Variants in RNF111 observed in about 807,000 individuals in gnomAD.
RNF111 encodes the protein E3 ubiquitin-protein ligase Arkadia.
In RNF111, 17 loss-of-function variants were observed where a neutral mutation model predicts 95.1. The ratio of observed to expected loss-of-function variants is 0.18; its 90% CI spans 0.12 to 0.27. The LOEUF (loss-of-function observed/expected upper bound fraction) is 0.27, where lower values mean the gene tolerates loss of function less well. Among genes scored for constraint, RNF111 ranks in the 10% least tolerant of loss-of-function variants. The pLI is 1.00. For synonymous variants in RNF111, 440 were observed against 414.8 expected, an observed-to-expected ratio of 1.06 and a Z score of -0.74; for missense variants, 1,189 against 1,210.4, an observed-to-expected ratio of 0.98 and a Z score of 0.26.
intron 2 of RNF111, among the ~76,000 whole-genome samples, chr15:59,048,930 AAAAC>A (rs770907486): frequency 2.3e-4 from 35 of 152,032 alleles, no homozygotes; most frequent in Middle Eastern, 3.4e-3. Flanking sequence ...GTCTCTTTAA[AAAAC>A]AAACAAACAA....
chr15:59,019,628 T>C (rs1474339085), intron 1 of RNF111, among the ~76,000 whole-genome samples: 3 of 152,184 alleles, frequency 2.0e-5, no homozygotes, highest in African/African-American at 7.2e-5. Flanking sequence ...GTGATCTTTT[T>C]TCCATTGTAC....
chr15:59,032,520 G>A (rs1422973511), intron 2 of RNF111, among the ~76,000 whole-genome samples: 1 of 152,064 alleles, frequency 6.6e-6, no homozygotes, highest in Admixed American at 6.6e-5. Context: ...CTCCTGGGCT[G>A]AAGCCGTCCT....
chr15:59,014,758 CTTT>C (rs1235678150), intron 1 of RNF111, among the ~76,000 whole-genome samples: 11 of 140,526 alleles, frequency 7.8e-5, no homozygotes, highest in Admixed American at 1.4e-4. Flanking sequence ...GAATTGCAGA[CTTT>C]TTTTTTTTTT....
intron 6 of RNF111, among the ~76,000 whole-genome samples, chr15:59,071,470 C>T (rs147679363): frequency 2.0e-5 from 3 of 152,000 alleles, no homozygotes; most frequent in East Asian, 1.9e-4. Context: ...ATCGCTTGAC[C>T]GCAAGAGTTC....
At chr15:59,006,295 C>T (rs1023344397) in intron 1 of RNF111, among the ~76,000 whole-genome samples, 1 of 152,186 alleles carries the variant, frequency 6.6e-6, no homozygotes, top group African/African-American at 2.4e-5. Context: ...ATGCAGTTAG[C>T]ACCCCAATCA....
At chr15:59,062,538 A>G in intron 5 of RNF111, among the ~76,000 whole-genome samples, 1 of 152,208 alleles carries the variant, frequency 6.6e-6, no homozygotes, top group East Asian at 1.9e-4. Context: ...TATGTCAGGC[A>G]CTGTTCTAGG....
intron 5 of RNF111, among the ~76,000 whole-genome samples, chr15:59,063,318 T>C (rs1322318178): frequency 6.6e-6 from 1 of 152,212 alleles, no homozygotes; most frequent in Non-Finnish European, 1.5e-5. Flanking sequence ...TATTATCCAG[T>C]GCCTTTTGTA....
At chr15:59,012,941 G>T (rs1334110537) in intron 1 of RNF111, among the ~76,000 whole-genome samples, 1 of 152,086 alleles carries the variant, frequency 6.6e-6, no homozygotes, top group Non-Finnish European at 1.5e-5. Context: ...GTTTCGCCAT[G>T]TTGGCCAGGC....
intron 13 of RNF111, among the ~76,000 whole-genome samples, chr15:59,093,641 G>C (rs1214907935): frequency 6.6e-6 from 1 of 151,616 alleles, no homozygotes; most frequent in Non-Finnish European, 1.5e-5. Context: ...CATTTTCTTT[G>C]TATAATCACT....
chr15:58,993,506 C>G (rs2038912668), intron 1 of RNF111, among the ~76,000 whole-genome samples: 1 of 152,190 alleles, frequency 6.6e-6, no homozygotes, highest in South Asian at 2.1e-4. Flanking sequence ...CCACTGCACT[C>G]CAACCTGAGT....
chr15:59,066,747 T>C lies in RNF111; in HGVS notation c.1367-17T>C, dbSNP rs1418235298. 6.3e-7 allele frequency: 1 copy of C among 1,596,262 alleles called. No homozygotes were observed. The highest frequency in any genetic ancestry group is 8.6e-7 in the Non-Finnish European group (1 of 1,166,642). Reference sequence around the variant, plus strand: ...TTTCATGATTTGATTATTCTGTGCATTTTTTTCTGTTTCAAGATGACTCAA... The same window carrying C: ...TTTCATGATTTGATTATTCTGTGCACTTTTTTCTGTTTCAAGATGACTCAA... On this transcript the variant is annotated splice_polypyrimidine_tract_variant and intron_variant, in intron 5 of 13. Transcript: ENST00000348370.
intron 1 of RNF111, among the ~76,000 whole-genome samples, chr15:59,009,359 A>C (rs1400811102): frequency 6.6e-6 from 1 of 151,978 alleles, no homozygotes; most frequent in Non-Finnish European, 1.5e-5. Context: ...GAGGGTGACT[A>C]TCTCTGTGAG....
intron 1 of RNF111, among the ~76,000 whole-genome samples, chr15:58,995,715 C>T (rs2039038506): frequency 6.6e-6 from 1 of 150,988 alleles, no homozygotes. Context: ...CCACCTGCCT[C>T]AGCCTCCCAA....
At chr15:59,063,170 G>C (rs2042514059) in intron 5 of RNF111, among the ~76,000 whole-genome samples, 1 of 152,136 alleles carries the variant, frequency 6.6e-6, no homozygotes, top group African/African-American at 2.4e-5. Flanking sequence ...TCCCTTGTGA[G>C]TTGAAATTAA....
chr15:59,090,303 C>T (rs1323304262), intron 11 of RNF111, among the ~76,000 whole-genome samples: 2 of 152,150 alleles, frequency 1.3e-5, no homozygotes, highest in African/African-American at 2.4e-5. Flanking sequence ...AATCTCAGCT[C>T]ACTGCAACCT....
chr15:59,068,087 T>A (rs1341170362), intron 6 of RNF111, among the ~76,000 whole-genome samples: 3 of 152,162 alleles, frequency 2.0e-5, no homozygotes, highest in Non-Finnish European at 2.9e-5. Context: ...TGTACGATTA[T>A]GATATAAGTC....
chr15:59,036,893 A>G (rs555904193), intron 2 of RNF111, among the ~76,000 whole-genome samples: 2 of 151,982 alleles, frequency 1.3e-5, no homozygotes, highest in Non-Finnish European at 2.9e-5. Flanking sequence ...GCAGTGGTGC[A>G]ATTATGACTC....
intron 2 of RNF111, among the ~76,000 whole-genome samples, chr15:59,034,638 AATCTC>A (rs2041082877): frequency 6.6e-6 from 1 of 152,210 alleles, no homozygotes; most frequent in African/African-American, 2.4e-5. Context: ...ATTATCAAGA[AATCTC>A]AGCTCTTTCA....
chr15:59,030,272 A>G (rs780526325), intron 1 of RNF111, among the ~76,000 whole-genome samples: 10 of 152,170 alleles, frequency 6.6e-5, no homozygotes, highest in Non-Finnish European at 1.2e-4. Flanking sequence ...ATAGAGTAGT[A>G]TGAAGGAAAA....
Sources: gnomAD v4.1 joint callset for allele counts (sites outside exome capture counted in the v4.1 genomes callset) on GRCh38, gnomAD v4.1.1 for gene constraint, MANE v1.5 for transcripts, NCBI Gene and HGNC (gene_info 2026-07-23, HGNC 2026-07-21) for gene names.